Variants in FRMPD4 observed in about 807,000 individuals in gnomAD.
FRMPD4 encodes FERM and PDZ domain containing 4.
Under a neutral mutation model 94.1 loss-of-function variants are expected in FRMPD4, and 22 were observed. The observed-to-expected ratio is 0.23, with a 90% CI of 0.17 to 0.33. The LOEUF is 0.33. Ranked by LOEUF, FRMPD4 falls within the 10% of genes least tolerant of loss-of-function variation. The pLI is 1.00. For synonymous variants in FRMPD4, 631 were observed against 548.6 expected (o/e 1.15, Z -2.10); for missense variants, 1,111 against 1,339.9 (o/e 0.83, Z 2.67).
intron 1 of FRMPD4, among the ~76,000 whole-genome samples, chrX:12,441,810 C>T (rs1018495774): frequency 8.9e-6 from 1 of 112,047 alleles, no homozygotes; most frequent in Non-Finnish European, 1.9e-5. Context: ...TATTGAGCCC[C>T]TCCCTCCAAG....
intron 1 of FRMPD4, among the ~76,000 whole-genome samples, chrX:12,296,402 A>T (rs2054772720): frequency 8.9e-6 from 1 of 112,014 alleles, no homozygotes; most frequent in Non-Finnish European, 1.9e-5. Context: ...GACAGGACAT[A>T]AATGAAAAAG....
rs368529483 is a variant in FRMPD4 at position 12,718,438 on chromosome X, C to T, written c.3612C>T (p.Ser1204=). The T allele has an allele frequency of 1.2e-5, 15 of 1,208,070 alleles. No homozygotes were observed. Among genetic ancestry groups the T allele is most frequent in the East Asian group, 5.9e-5 (2 of 33,761 alleles). The part of the protein sequence containing the change: ...HLAKRMSSLQ[S]EGHFSLQSSQ... The stretch of plus-strand genomic sequence containing the variant: ...CCAAGCGGATGTCATCACTGCAAAG[C>T]GAGGGCCATTTTTCTCTGCAGAGCT... Residue 1204 remains serine, a synonymous_variant, in exon 16 of 17, where the codon AGC becomes AGT. Coordinates refer to ENST00000675598, the MANE Select transcript of FRMPD4 (RefSeq NM_001368397.1).
chrX:11,876,100 G>C lies in FRMPD4; in HGVS notation c.-29-1795G>C, dbSNP rs12011616. On this transcript the variant is annotated intron_variant, in intron 2 of 18. Coordinates refer to the FRMPD4 transcript ENST00000640291. The stretch of plus-strand genomic sequence containing the variant: ...TGTGTTAGCCAGGATGGTCTCGTTC[G>C]CCTGACCTCGTGATCCGCCCGCCTC... Among the ~76,000 whole-genome samples the C allele has an allele frequency of 1.2e-4, 13 of 107,067 alleles. No homozygotes were observed. In the South Asian group the frequency reaches 5.4e-3, roughly 45 times the overall value. 93.0% of individuals were successfully genotyped at this position (107,067 alleles called of 115,157 possible).
chrX:11,978,944 C>A (rs931790428), intron 3 of FRMPD4, among the ~76,000 whole-genome samples: 3 of 111,270 alleles, frequency 2.7e-5, no homozygotes, highest in Non-Finnish European at 5.7e-5. Flanking sequence ...CTTTGTAGCA[C>A]TAAGCACTTT....
chrX:12,427,895 C>CTTTTTT (rs1569272212), intron 1 of FRMPD4, among the ~76,000 whole-genome samples: 4 of 60,797 alleles, frequency 6.6e-5, no homozygotes, highest in Non-Finnish European at 1.2e-4. Flanking sequence ...TTCCTTTTTT[C>CTTTTTT]TCTTTTTTTT....
intron 1 of FRMPD4, among the ~76,000 whole-genome samples, chrX:11,827,985 C>G (rs1470001996): frequency 5.4e-5 from 6 of 111,685 alleles, no homozygotes; most frequent in African/African-American, 2.0e-4. Context: ...CCCTAATCTT[C>G]CTGTTCTCAA....
At chrX:12,626,250 G>A (rs970466933) in intron 4 of FRMPD4, among the ~76,000 whole-genome samples, 1 of 107,222 alleles carries the variant, frequency 9.3e-6, no homozygotes, top group Non-Finnish European at 1.9e-5. Context: ...AATCACTTGA[G>A]CCCAGGAGTT....
chrX:11,895,382 C>T (rs191388242), intron 3 of FRMPD4, among the ~76,000 whole-genome samples: 58 of 111,280 alleles, frequency 5.2e-4, no homozygotes, highest in African/African-American at 1.8e-3. Context: ...GGCTGTTGCA[C>T]TGAAGTCCAA....
chrX:12,136,922 C>T (rs777740444), upstream of FRMPD4, among the ~76,000 whole-genome samples: 56 of 103,444 alleles, frequency 5.4e-4, no homozygotes, highest in African/African-American at 1.9e-3. Context: ...CACACACACA[C>T]ACATACACAC....
chrX:12,018,475 G>A (rs1309834662), intron 3 of FRMPD4, among the ~76,000 whole-genome samples: 1 of 110,081 alleles, frequency 9.1e-6, no homozygotes, highest in Admixed American at 9.6e-5. Flanking sequence ...TAGTGCAGTG[G>A]TGCGATCTCG....
chrX:12,605,826 T>A (rs1471611864), intron 2 of FRMPD4, among the ~76,000 whole-genome samples: 1 of 111,352 alleles, frequency 9.0e-6, no homozygotes, highest in Non-Finnish European at 1.9e-5. Flanking sequence ...CAGCTCTCTA[T>A]CCTTCCTCCC....
At chrX:12,270,217 C>G (rs1309049215) in intron 1 of FRMPD4, among the ~76,000 whole-genome samples, 1 of 110,536 alleles carries the variant, frequency 9.0e-6, no homozygotes, top group African/African-American at 3.3e-5. Flanking sequence ...CTCTATAATG[C>G]TAATCTAATG....
intron 1 of FRMPD4, among the ~76,000 whole-genome samples, chrX:12,250,072 T>TTGTGTG (rs72178576): frequency 3.4e-4 from 31 of 91,446 alleles, no homozygotes; most frequent in East Asian, 2.4e-3. Context: ...GTTTGTGTGT[T>TTGTGTG]TGTGTGTGTG....
chrX:12,405,143 A>G (rs1237714174), intron 1 of FRMPD4, among the ~76,000 whole-genome samples: 1 of 111,798 alleles, frequency 8.9e-6, no homozygotes, highest in Non-Finnish European at 1.9e-5. Flanking sequence ...TGATTCTAAC[A>G]TGGCTACTGA....
intron 3 of FRMPD4, among the ~76,000 whole-genome samples, chrX:12,028,035 A>G (rs2147430307): frequency 8.9e-6 from 1 of 112,328 alleles, no homozygotes; most frequent in East Asian, 2.8e-4. Flanking sequence ...TTAGTGGCTT[A>G]AAAAACATGC....
intron 1 of FRMPD4, among the ~76,000 whole-genome samples, chrX:12,262,050 T>C (rs914768151): frequency 1.8e-5 from 2 of 111,311 alleles, no homozygotes; most frequent in Admixed American, 9.6e-5. Context: ...CAGAAGCATC[T>C]TAATGTAGCA....
chrX:12,572,945 A>C (rs778583409), intron 2 of FRMPD4, among the ~76,000 whole-genome samples: 1 of 111,525 alleles, frequency 9.0e-6, no homozygotes, highest in Non-Finnish European at 1.9e-5. Flanking sequence ...CTCAGGTATA[A>C]AACTTGTCTC....
chrX:11,930,790 T>G (rs1045538284), intron 3 of FRMPD4, among the ~76,000 whole-genome samples: 6 of 111,596 alleles, frequency 5.4e-5, no homozygotes, highest in African/African-American at 1.6e-4. Context: ...ATCTTTAAGA[T>G]TGATCTGATA....
chrX:11,932,842 C>T (rs970354106), intron 3 of FRMPD4, among the ~76,000 whole-genome samples: 6 of 111,479 alleles, frequency 5.4e-5, no homozygotes, highest in African/African-American at 2.0e-4. Context: ...TCAAATTCCA[C>T]CCCACTCACC....
Sources: gnomAD v4.1 joint callset for allele counts (sites outside exome capture counted in the v4.1 genomes callset) on GRCh38, gnomAD v4.1.1 for gene constraint, MANE v1.5 for transcripts, NCBI Gene and HGNC (gene_info 2026-07-23, HGNC 2026-07-21) for gene names.